The following OR4E2 variants were observed in gnomAD, a reference collection of about 807,000 sequenced individuals.
OR4E2 encodes the protein olfactory receptor 4E2.
In OR4E2, 9 loss-of-function variants were observed where a neutral mutation model predicts 11.0. The observed-to-expected ratio is 0.82, with a 90% CI of 0.49 to 1.43. The LOEUF (loss-of-function observed/expected upper bound fraction) is 1.43, where lower values mean the gene tolerates loss of function less well. Ranked by LOEUF, OR4E2 falls within the 40% of genes most tolerant of loss-of-function variation. The pLI, the probability that OR4E2 is intolerant of heterozygous loss-of-function variation, is 0.00. For synonymous variants in OR4E2, 159 were observed against 147.3 expected (o/e 1.08, Z -0.57); for missense variants, 441 against 382.0 (o/e 1.15, Z -1.29).
At position 21,657,493 on chromosome 14, in the gene OR4E2, TTCCTTCCTTCC is replaced by T. The variant is rs1594543680; in HGVS notation, c.-103+906_-103+916del. Among the ~76,000 whole-genome samples, 54 of 121,696 alleles carry T rather than the reference TTCCTTCCTTCC, an allele frequency of 4.4e-4. 1 individual carries two copies. Among genetic ancestry groups the T allele is most frequent in the East Asian group, 4.0e-3 (16 of 3,996 alleles). 79.8% of individuals were successfully genotyped at this position (121,696 alleles called of 152,430 possible). A position where few individuals can be genotyped will look rare whatever the true frequency, so the allele number is the denominator to read the frequency against. On this transcript the variant is annotated intron_variant, in intron 2 of 3. Coordinates refer to ENST00000641524, the MANE Select transcript of OR4E2 (RefSeq NM_001001912.3). ...CTTCCTTCCTTCCTTCCTTCCTTCC[TTCCTTCCTTCC>T]TTCTTTCTTTGTTTTTCTTTCTTTC...
In OR4E2 at chr14:21,666,043, A is replaced by G; in HGVS notation, c.*19A>G. 1 of 1,539,474 alleles carries G rather than the reference A, an allele frequency of 6.5e-7. No homozygotes were observed. The highest frequency in any genetic ancestry group is 2.3e-5 in the East Asian group (1 of 44,374). On this transcript the variant is annotated 3_prime_UTR_variant, in exon 4 of 4. Coordinates refer to ENST00000641524, the MANE Select transcript of OR4E2 (RefSeq NM_001001912.3). ...TACATAATGGGCACTGGGATTGCAGACATAATTGCAGCCACATCCTTAATG... is the reference window on the plus strand; with the variant it reads ...TACATAATGGGCACTGGGATTGCAGGCATAATTGCAGCCACATCCTTAATG...
intron 2 of OR4E2, among the ~76,000 whole-genome samples, chr14:21,657,680 T>A (rs1195508033): frequency 6.6e-6 from 1 of 150,384 alleles, no homozygotes; most frequent in Non-Finnish European, 1.5e-5. Context: ...AACCCCTACC[T>A]CCCAGGTTCA....
chr14:21,658,128 C>T (rs1055520708), intron 2 of OR4E2, among the ~76,000 whole-genome samples: 1 of 152,180 alleles, frequency 6.6e-6, no homozygotes, highest in Non-Finnish European at 1.5e-5. Context: ...CTCTCTGCAG[C>T]CAACTATTGA....
chr14:21,661,537 A>G (rs1594547271), intron 3 of OR4E2, among the ~76,000 whole-genome samples: 2 of 152,120 alleles, frequency 1.3e-5, no homozygotes, highest in African/African-American at 4.8e-5. Context: ...TGCACACTGG[A>G]CTCTCCAAGG....
chr14:21,666,309 G>C lies in OR4E2; in HGVS notation c.*285G>C, dbSNP rs1880648864. 1 of 312,954 alleles carries C rather than the reference G, an allele frequency of 3.2e-6. No homozygotes were observed. The highest frequency in any genetic ancestry group is 2.2e-5 in the African/African-American group (1 of 44,648). The allele number at this position is 312,954 out of a possible 1,614,324, so 19.4% of individuals were successfully genotyped here. ...TCATCAGTAAAAGAATACAATTTGG[G>C]GAACTCAGTTCAGTCTCAGTTTCAG... On this transcript the variant is annotated 3_prime_UTR_variant, in exon 4 of 4. Transcript: ENST00000641524.
chr14:21,657,754 C>A (rs1880091775), intron 2 of OR4E2, among the ~76,000 whole-genome samples: 1 of 151,910 alleles, frequency 6.6e-6, no homozygotes, highest in Non-Finnish European at 1.5e-5. Context: ...CCACGCCCAG[C>A]TAATTTTGTA....
chr14:21,657,624 C>A (rs1439358519), intron 2 of OR4E2, among the ~76,000 whole-genome samples: 3 of 147,694 alleles, frequency 2.0e-5, no homozygotes, highest in African/African-American at 7.5e-5. Flanking sequence ...GAGTTTTGCT[C>A]TTGTTGCCCA....
At chr14:21,657,511 C>G (rs146467157) in intron 2 of OR4E2, among the ~76,000 whole-genome samples, 1 of 98,876 alleles carries the variant, frequency 1.0e-5, no homozygotes, top group Non-Finnish European at 2.0e-5. Context: ...TTCCTTCTTT[C>G]TTTGTTTTTC....
Position 21,667,543 on chromosome 14 carries a change from T to A in OR4E2, c.*1519T>A, listed in dbSNP as rs1880710236. ...TGGTCAGTCCCCTATAATTCTCATA[T>A]AAAACTTGAGTCATAGTAAGAGTTT... On this transcript the variant is annotated 3_prime_UTR_variant, in exon 4 of 4. Transcript: ENST00000641524. 6.6e-6 allele frequency: 1 copy of A among 152,202 alleles called. No individual in the cohort carries two copies. Among genetic ancestry groups the A allele is most frequent in the South Asian group, 2.1e-4 (1 of 4,836 alleles). The allele number at this position is 152,202 out of a possible 1,614,324, so 9.4% of individuals were successfully genotyped here. A position where few individuals can be genotyped will look rare whatever the true frequency, so the allele number is the denominator to read the frequency against.
intron 3 of OR4E2, among the ~76,000 whole-genome samples, chr14:21,662,566 C>T (rs1460605748): frequency 6.6e-6 from 1 of 152,190 alleles, no homozygotes; most frequent in East Asian, 1.9e-4. Context: ...TCCCAAAGTG[C>T]TAGGATTACA....
intron 3 of OR4E2, among the ~76,000 whole-genome samples, chr14:21,664,475 G>C (rs537305926): frequency 1.3e-5 from 2 of 152,272 alleles, no homozygotes; most frequent in East Asian, 1.9e-4. Context: ...GGTGAGGAGA[G>C]TACACTTGAA....
In OR4E2 at chr14:21,658,946, T is replaced by C. The variant is rs552791504; in HGVS notation, c.-102-1707T>C. Among the ~76,000 whole-genome samples the C allele has an allele frequency of 2.0e-5, 3 of 152,308 alleles. No individual in the cohort carries two copies. The East Asian group carries it at 5.8e-4, about 29-fold the overall frequency. ...CTGCTGATTGCCTTAAAATGGGTAA[T>C]TATTTTGATGTACAGATCAACTTAC... On this transcript the variant is annotated intron_variant, in intron 2 of 3. Coordinates refer to ENST00000641524, the MANE Select transcript of OR4E2 (RefSeq NM_001001912.3).
At position 21,655,555 on chromosome 14, in the gene OR4E2, C is replaced by G. The variant is rs572327757; in HGVS notation, c.-190-947C>G. On this transcript the variant is annotated intron_variant, in intron 1 of 3. Coordinates refer to ENST00000641524, the MANE Select transcript of OR4E2 (RefSeq NM_001001912.3). ...AGGTATGGTGGCATGTGCTTGTAGT[C>G]CCAGCCACTGGGAACGCTGAAGTGG... Among the ~76,000 whole-genome samples the G allele has an allele frequency of 3.3e-5, 5 of 152,196 alleles. No homozygotes were observed. In the East Asian group the frequency reaches 7.7e-4, roughly 24 times the overall value.
At chr14:21,662,857 C>G (rs1880410822) in intron 3 of OR4E2, among the ~76,000 whole-genome samples, 1 of 152,020 alleles carries the variant, frequency 6.6e-6, no homozygotes, top group East Asian at 1.9e-4. Context: ...TGAATGCTTA[C>G]AAGTGAAATA....
intron 3 of OR4E2, among the ~76,000 whole-genome samples, chr14:21,663,963 A>G (rs1880482280): frequency 6.6e-6 from 1 of 152,178 alleles, no homozygotes; most frequent in African/African-American, 2.4e-5. Flanking sequence ...ATAATATTTC[A>G]TGGTGTTATG....
chr14:21,658,808 GTT>G (rs57725703), intron 2 of OR4E2, among the ~76,000 whole-genome samples: 42 of 147,658 alleles, frequency 2.8e-4, no homozygotes, highest in African/African-American at 9.9e-4. Flanking sequence ...TTGACCTTCA[GTT>G]TTTTTTTTTA....
rs1255836760 is a variant in OR4E2, at chr14:21,666,574, A to G, written c.*550A>G. 1 of 152,042 alleles carries G rather than the reference A, an allele frequency of 6.6e-6. No individual in the cohort carries two copies. The highest frequency in any genetic ancestry group is 2.4e-5 in the African/African-American group (1 of 41,400). The allele number at this position is 152,042 out of a possible 1,614,324, so 9.4% of individuals were successfully genotyped here. A position where few individuals can be genotyped will look rare whatever the true frequency, so the allele number is the denominator to read the frequency against. ...TTTGTACTTTTTTTTTGAGACAGGA[A>G]TTTTTTGTACTATTCCTGCAACTTC... On this transcript the variant is annotated 3_prime_UTR_variant, in exon 4 of 4. Coordinates refer to ENST00000641524, the MANE Select transcript of OR4E2 (RefSeq NM_001001912.3).
chr14:21,657,076 A>T (rs1228277613), intron 2 of OR4E2, among the ~76,000 whole-genome samples: 1 of 152,236 alleles, frequency 6.6e-6, no homozygotes, highest in Non-Finnish European at 1.5e-5. Context: ...TGAATGTTGA[A>T]TGTTGAAAAG....
Position 21,665,524 on chromosome 14 carries a change from C to G in OR4E2, c.442C>G (p.Leu148Val), listed in dbSNP as rs749747434. The part of the protein sequence containing the change: ...MRVCIQLVFA[L>V]WLGGTVHSLG... ...AGTCTGTATACAGCTTGTCTTTGCTCTCTGGTTGGGGGGTACTGTTCACTC... is the reference window on the plus strand; with the variant it reads ...AGTCTGTATACAGCTTGTCTTTGCTGTCTGGTTGGGGGGTACTGTTCACTC... Residue 148 changes from leucine to valine, a missense_variant, in exon 4 of 4, where the codon CTC becomes GTC. Physicochemically the swap from Leu to Val is conservative, Grantham distance 32. Coordinates refer to ENST00000641524, the MANE Select transcript of OR4E2 (RefSeq NM_001001912.3). 3 of 1,614,022 alleles carry G rather than the reference C, an allele frequency of 1.9e-6. No homozygotes were observed. The highest frequency in any genetic ancestry group is 8.5e-7 in the Non-Finnish European group (1 of 1,180,038).
Sources: allele counts gnomAD v4.1 joint callset (sites outside exome capture counted in the v4.1 genomes callset), GRCh38; gene constraint gnomAD v4.1.1; transcripts MANE v1.5; gene names NCBI Gene and HGNC (gene_info 2026-07-23, HGNC 2026-07-21).